MAMDC2: variants seen among roughly 807,000 people sequenced by gnomAD.
MAMDC2 encodes MAM domain containing 2.
MAMDC2 carries 57 observed loss-of-function variants against 89.8 expected under a neutral mutation model. The observed-to-expected ratio is 0.63, with a 90% CI of 0.51 to 0.79. MAMDC2 has a LOEUF of 0.79. Ranked by LOEUF, MAMDC2 falls within the 30% of genes least tolerant of loss-of-function variation. MAMDC2 has a pLI of 0.00. For synonymous variants in MAMDC2, 313 were observed against 293.4 expected (o/e 1.07, Z -0.68); for missense variants, 800 against 820.6 (o/e 0.97, Z 0.31).
intron 2 of MAMDC2, among the ~76,000 whole-genome samples, chr9:70,066,712 T>G (rs1827274602): frequency 6.6e-6 from 1 of 151,604 alleles, no homozygotes; most frequent in Non-Finnish European, 1.5e-5. Flanking sequence ...AGAGTGGGGG[T>G]TTTTCTACAA....
chr9:70,089,888 T>C (rs2975867), intron 2 of MAMDC2, among the ~76,000 whole-genome samples: 28,074 of 152,126 alleles, frequency 0.18, 3,633 homozygotes, highest in African/African-American at 0.36. Flanking sequence ...ATCATGTATG[T>C]TGTTGAAAAT....
chr9:70,109,697 C>T lies in MAMDC2; in HGVS notation c.421-23C>T, dbSNP rs1299716853. On this transcript the variant is annotated intron_variant, in intron 3 of 13. Transcript: ENST00000377182. Reference sequence around the variant, plus strand: ...CATGATGTTTTGAAGTCTAACTCCCCTTCTTCCCCATATGTTGTGCAGATT... The same window carrying T: ...CATGATGTTTTGAAGTCTAACTCCCTTTCTTCCCCATATGTTGTGCAGATT... 3.8e-6 allele frequency: 6 copies of T among 1,582,642 alleles called. No homozygotes were observed. The South Asian group carries it at 4.4e-5, about 12-fold the overall frequency.
chr9:70,165,153 T>G (rs1363258452), intron 9 of MAMDC2, among the ~76,000 whole-genome samples: 1 of 152,164 alleles, frequency 6.6e-6, no homozygotes, highest in Non-Finnish European at 1.5e-5. Context: ...CTATGACTAA[T>G]TCCCTTCTTG....
Position 70,116,283 on chromosome 9 carries a change from A to G in MAMDC2, c.643+3151A>G, listed in dbSNP as rs998877583. On this transcript the variant is annotated intron_variant, in intron 5 of 13. Transcript: ENST00000377182. Reference sequence around the variant, plus strand: ...CAACAGAGCAGTGGACTAGTGTCAAATCATCCATTTGCTTGTGTTACCTGA... The same window carrying G: ...CAACAGAGCAGTGGACTAGTGTCAAGTCATCCATTTGCTTGTGTTACCTGA... 3.9e-5 allele frequency among the ~76,000 whole-genome samples: 6 copies of G among 152,304 alleles called. No homozygotes were observed. In the South Asian group the frequency reaches 1.2e-3, roughly 32 times the overall value.
intron 4 of MAMDC2, among the ~76,000 whole-genome samples, chr9:70,110,312 T>A (rs1828473448): frequency 6.6e-6 from 1 of 152,162 alleles, no homozygotes; most frequent in South Asian, 2.1e-4. Flanking sequence ...CCCTGTCCTA[T>A]GGTGGTTCAG....
chr9:70,163,229 C>CTTTTTTTTTTTT (rs66957093), intron 9 of MAMDC2, among the ~76,000 whole-genome samples: 1 of 125,128 alleles, frequency 8.0e-6, no homozygotes, highest in Non-Finnish European at 1.6e-5. Flanking sequence ...TTCTTTCTTT[C>CTTTTTTTTTTTT]TTTTTTTTTT....
At chr9:70,177,659 A>C (rs2032539425) in intron 11 of MAMDC2, among the ~76,000 whole-genome samples, 1 of 152,180 alleles carries the variant, frequency 6.6e-6, no homozygotes, top group East Asian at 1.9e-4. Context: ...TAGGGAAGTT[A>C]AGTGCCTTTC....
chr9:70,122,601 T>C (rs1346688072), intron 5 of MAMDC2, among the ~76,000 whole-genome samples: 1 of 152,196 alleles, frequency 6.6e-6, no homozygotes, highest in African/African-American at 2.4e-5. Context: ...ACAGCAGCCA[T>C]AGTGCCTAGG....
At chr9:70,051,172 C>T (rs1826885457) in intron 2 of MAMDC2, among the ~76,000 whole-genome samples, 1 of 152,142 alleles carries the variant, frequency 6.6e-6, no homozygotes, top group Non-Finnish European at 1.5e-5. Flanking sequence ...GAGATTTAAC[C>T]CAACTGGGGT....
rs1340503932 is a variant in MAMDC2 at position 70,093,606 on chromosome 9, A to T, written c.149-14605A>T. On this transcript the variant is annotated intron_variant, in intron 2 of 13. Transcript: ENST00000377182. Reference sequence around the variant, plus strand: ...ATGCCCGGCTAATTTTTTTTTTTTTATTTTTAGTAGAAATGGGGTTTCACC... The same window carrying T: ...ATGCCCGGCTAATTTTTTTTTTTTTTTTTTTAGTAGAAATGGGGTTTCACC... Among the ~76,000 whole-genome samples, 299 of 146,558 alleles carry T rather than the reference A, an allele frequency of 2.0e-3. 7 individuals are homozygous for T. The East Asian group carries it at 0.048, about 23-fold the overall frequency.
intron 11 of MAMDC2, among the ~76,000 whole-genome samples, chr9:70,186,498 T>C (rs1351405060): frequency 6.6e-6 from 1 of 152,236 alleles, no homozygotes; most frequent in African/African-American, 2.4e-5. Flanking sequence ...GCTTCCATCA[T>C]ATCTATTGAG....
At chr9:70,168,624 G>A (rs2032238755) in intron 9 of MAMDC2, 78 bp from the exon 10 acceptor site, 20 of 1,151,572 alleles carry the variant, frequency 1.7e-5, no homozygotes, top group Non-Finnish European at 2.2e-5. Flanking sequence ...CGCCTGCTGT[G>A]CTAAGTGAAT....
At chr9:70,217,431 G>A in intron 11 of MAMDC2, 2 of 1,327,980 alleles carry the variant, frequency 1.5e-6, no homozygotes, top group Non-Finnish European at 2.2e-6. Flanking sequence ...TCAAATTCCA[G>A]AGGGCCATTA....
intron 7 of MAMDC2, 123 bp from the exon 8 acceptor site, chr9:70,140,022 G>T: frequency 2.1e-6 from 2 of 954,432 alleles, no homozygotes; most frequent in Non-Finnish European, 2.9e-6. Context: ...AAGATATTTA[G>T]TTGTGTTTTA....
chr9:70,094,491 T>C (rs1428428586), intron 2 of MAMDC2, among the ~76,000 whole-genome samples: 4 of 152,216 alleles, frequency 2.6e-5, no homozygotes, highest in Admixed American at 1.3e-4. Flanking sequence ...AGTAGAGGTA[T>C]ATGTGAAAAT....
At chr9:70,135,032 C>T (rs905994125) in intron 7 of MAMDC2, among the ~76,000 whole-genome samples, 4 of 152,122 alleles carry the variant, frequency 2.6e-5, no homozygotes, top group Non-Finnish European at 2.9e-5. Flanking sequence ...GCAGAGGAAA[C>T]GATGAGAAAT....
intron 12 of MAMDC2, among the ~76,000 whole-genome samples, chr9:70,219,655 A>G (rs1304180136): frequency 6.6e-6 from 1 of 152,240 alleles, no homozygotes; most frequent in Non-Finnish European, 1.5e-5. Context: ...ATGACAGGGA[A>G]GATGAGCCAT....
chr9:70,169,795 A>G (rs2032277455), intron 10 of MAMDC2: 1 of 152,216 alleles, frequency 6.6e-6, no homozygotes, highest in Non-Finnish European at 1.5e-5. Flanking sequence ...TCAAAGACAT[A>G]AACATTGGAT....
chr9:70,170,212 A>T, intron 10 of MAMDC2: 3 of 374,290 alleles, frequency 8.0e-6, no homozygotes, highest in Non-Finnish European at 1.4e-5. Flanking sequence ...ACAAAAATTC[A>T]CAAGTCAGAG....
Sources: gnomAD v4.1 joint callset for allele counts (sites outside exome capture counted in the v4.1 genomes callset) on GRCh38, gnomAD v4.1.1 for gene constraint, MANE v1.5 for transcripts, NCBI Gene and HGNC (gene_info 2026-07-23, HGNC 2026-07-21) for gene names.